The following BTN2A1 variants were observed in gnomAD, a reference collection of about 807,000 sequenced individuals.
The protein encoded by BTN2A1 is butyrophilin subfamily 2 member A1.
Under a neutral mutation model 34.5 loss-of-function variants are expected in BTN2A1, and 41 were observed. That is an observed-to-expected ratio of 1.19 (90% confidence interval 0.93 to 1.54). The LOEUF (loss-of-function observed/expected upper bound fraction) is 1.54, where lower values mean the gene tolerates loss of function less well. BTN2A1 is among the 40% of genes most tolerant of loss of function. BTN2A1 has a pLI of 0.00. For synonymous variants in BTN2A1, 267 were observed against 258.6 expected, an observed-to-expected ratio of 1.03 and a Z score of -0.31; for missense variants, 642 against 662.0, an observed-to-expected ratio of 0.97 and a Z score of 0.33.
chr6:26,462,646 T>G (rs868083101), intron 3 of BTN2A1, among the ~76,000 whole-genome samples: 2 of 152,122 alleles, frequency 1.3e-5, no homozygotes, highest in Non-Finnish European at 2.9e-5. Flanking sequence ...ATCTGTCAAG[T>G]CTCCTAAAAA....
chr6:26,467,702 C>T, intron 7 of BTN2A1: 1 of 1,583,824 alleles, frequency 6.3e-7, no homozygotes, highest in Non-Finnish European at 8.6e-7. Flanking sequence ...ATTTGCTAAA[C>T]TTTCCGGATT....
At chr6:26,473,080 A>G (rs1763478604), downstream of BTN2A1, among the ~76,000 whole-genome samples, 1 of 152,222 alleles carries the variant, frequency 6.6e-6, no homozygotes, top group Non-Finnish European at 1.5e-5. Context: ...ACAAGTTCTC[A>G]ACAAGTTCTC....
Position 26,468,193 on chromosome 6 carries a change from A to C in BTN2A1, c.1228A>C (p.Lys410Gln), listed in dbSNP as rs573356081. 2 of 1,614,142 alleles carry C rather than the reference A, an allele frequency of 1.2e-6. No homozygotes were observed. The highest frequency in any genetic ancestry group is 2.7e-5 in the African/African-American group (2 of 75,030). ...VGVCRDSVER[K>Q]GEVLLIPQNG... Reference sequence around the variant, plus strand: ...GGTCTGTAGAGACAGTGTTGAGAGGAAAGGGGAGGTCCTGCTGATTCCTCA... The same window carrying C: ...GGTCTGTAGAGACAGTGTTGAGAGGCAAGGGGAGGTCCTGCTGATTCCTCA... The change falls in exon 8 of 8, where the codon AAA becomes CAA. Residue 410 changes from lysine (K) to glutamine (Q), a missense_variant. By Grantham distance (53) the Lys-to-Gln change is moderately conservative. Coordinates refer to ENST00000312541, the MANE Select transcript of BTN2A1 (RefSeq NM_007049.5).
At chr6:26,463,194 G>T in intron 3 of BTN2A1, 50 bp from the exon 4 acceptor site, 1 of 1,520,938 alleles carries the variant, frequency 6.6e-7, no homozygotes, top group Non-Finnish European at 8.8e-7. Context: ...AGGCACAGAA[G>T]AGATGCAAAA....
intron 7 of BTN2A1, chr6:26,476,087 G>T (rs565250041): frequency 2.0e-5 from 30 of 1,512,846 alleles, no homozygotes; most frequent in Non-Finnish European, 2.5e-5. Context: ...ACCCATGAAC[G>T]CCTCCCTTCT....
chr6:26,467,894 A>T, intron 7 of BTN2A1, 54 bp from the exon 8 acceptor site: 7 of 1,581,266 alleles, frequency 4.4e-6, no homozygotes, highest in Non-Finnish European at 5.2e-6. Context: ...CAGGAACCAC[A>T]CAATCCCCAG....
chr6:26,471,388 CAT>C (rs1763446194), downstream of BTN2A1, among the ~76,000 whole-genome samples: 1 of 152,182 alleles, frequency 6.6e-6, no homozygotes, highest in African/African-American at 2.4e-5. Flanking sequence ...AATGTGTCCT[CAT>C]ATGGCAAAGG....
At chr6:26,465,460 G>C in intron 5 of BTN2A1, 54 bp downstream of exon 5, 1 of 1,540,174 alleles carries the variant, frequency 6.5e-7, no homozygotes, top group Non-Finnish European at 8.9e-7. Context: ...ACTGTGGGAG[G>C]CTGAGGCAGG....
At chr6:26,460,414 T>C (rs1763135929) in intron 3 of BTN2A1, among the ~76,000 whole-genome samples, 1 of 152,238 alleles carries the variant, frequency 6.6e-6, no homozygotes, top group Non-Finnish European at 1.5e-5. Context: ...AAATAGATGG[T>C]TTTATTAAAC....
In BTN2A1 at chr6:26,459,491, T is replaced by C; in HGVS notation, c.93T>C (p.Ile31=). 6.2e-7 allele frequency: 1 copy of C among 1,613,768 alleles called. No individual in the cohort carries two copies. Among genetic ancestry groups the C allele is most frequent in the South Asian group, 1.1e-5 (1 of 91,056 alleles). Residue 31 remains isoleucine, a synonymous_variant, in exon 3 of 8, where the codon ATT becomes ATC. Coordinates refer to ENST00000312541, the MANE Select transcript of BTN2A1 (RefSeq NM_007049.5). ...SLCALVSAQF[I]VVGPTDPILA... ...CCCTTTGTTGAACAGCCCAGTTTAT[T>C]GTCGTGGGGCCCACTGATCCCATCT...
chr6:26,460,079 A>C (rs1180215238), intron 3 of BTN2A1, among the ~76,000 whole-genome samples: 3 of 152,110 alleles, frequency 2.0e-5, no homozygotes, highest in South Asian at 4.1e-4. Flanking sequence ...GGCCGTGAGC[A>C]GGGGAAAATG....
chr6:26,474,327 T>A (rs1400740674), downstream of BTN2A1, among the ~76,000 whole-genome samples: 1 of 152,230 alleles, frequency 6.6e-6, no homozygotes, highest in Non-Finnish European at 1.5e-5. Context: ...TTAAGCTGTT[T>A]CTGTGTGTCA....
At chr6:26,464,785 G>T (rs1763263117) in intron 4 of BTN2A1, among the ~76,000 whole-genome samples, 1 of 152,220 alleles carries the variant, frequency 6.6e-6, no homozygotes, top group Non-Finnish European at 1.5e-5. Context: ...GCGTTGGAAG[G>T]TTTTGAGCTA....
In BTN2A1 at chr6:26,468,725, T is replaced by C. The variant is rs571218053; in HGVS notation, c.*176T>C. On this transcript the variant is annotated 3_prime_UTR_variant, in exon 8 of 8. Coordinates refer to ENST00000312541, the MANE Select transcript of BTN2A1 (RefSeq NM_007049.5). ...TCAGCCCCAGTTTTCTCCTCCTCAC[T>C]AGGCTGTGTTTTTAGTAGTTCCTTT... is the stretch of plus-strand genomic sequence containing the variant. 1 of 1,612,320 alleles carries C rather than the reference T, an allele frequency of 6.2e-7. No individual in the cohort carries two copies. Among genetic ancestry groups the C allele is most frequent in the East Asian group, 2.2e-5 (1 of 44,820 alleles).
In BTN2A1 at chr6:26,459,592, G is replaced by C; in HGVS notation, c.194G>C (p.Arg65Pro). 1 of 1,614,034 alleles carries C rather than the reference G, an allele frequency of 6.2e-7. No individual in the cohort carries two copies. The highest frequency in any genetic ancestry group is 8.5e-7 in the Non-Finnish European group (1 of 1,179,994). The change falls in exon 3 of 8, where the codon CGG (arginine) becomes CCG (proline). Residue 65 changes from arginine to proline, a missense_variant. Coordinates refer to ENST00000312541, the MANE Select transcript of BTN2A1 (RefSeq NM_007049.5). Reference protein sequence around the residue: ...PEKNAEDMEVRWFRSQFSPAV... With the variant: ...PEKNAEDMEVPWFRSQFSPAV... ...AAAAATGCTGAGGACATGGAGGTGC[G>C]GTGGTTCCGGTCTCAGTTCTCCCCC...
At chr6:26,471,588 C>T (rs184827741), downstream of BTN2A1, among the ~76,000 whole-genome samples, 33 of 152,032 alleles carry the variant, frequency 2.2e-4, no homozygotes, top group East Asian at 6.2e-3. Flanking sequence ...GTGGAGGTTG[C>T]AGTGCACCAC....
rs763747197 is a variant in BTN2A1 at position 26,463,385 on chromosome 6, AG to A, written c.574del (p.Val192SerfsTer16). On this transcript the variant is annotated frameshift_variant, in exon 4 of 8. Coordinates refer to ENST00000312541, the MANE Select transcript of BTN2A1 (RefSeq NM_007049.5). LOFTEE classifies it high-confidence loss of function. ...GGTGGGGTTGCGCCTGCCCTGAAAG[AG>A]GTCTCCATGCCTGATGCAGACGGCC... ...PYGGVAPALK[E>X]VSMPDADGLF... The A allele has an allele frequency of 6.3e-5, 102 of 1,614,142 alleles. No individual in the cohort carries two copies. The East Asian group carries it at 2.3e-3, about 36-fold the overall frequency.
At chr6:26,462,994 GA>G in intron 3 of BTN2A1, 2 of 1,052,448 alleles carry the variant, frequency 1.9e-6, no homozygotes, top group Non-Finnish European at 2.6e-6. Context: ...GGACCGCAAA[GA>G]AAAGGGTGCA....
chr6:26,471,692 G>T (rs150074700), downstream of BTN2A1, among the ~76,000 whole-genome samples: 1,289 of 150,548 alleles, frequency 8.6e-3, 15 homozygotes, highest in African/African-American at 0.028. Flanking sequence ...GGAAGGAAAA[G>T]TAACTGGAAA....
Sources: allele counts gnomAD v4.1 joint callset (sites outside exome capture counted in the v4.1 genomes callset), GRCh38; gene constraint gnomAD v4.1.1; transcripts MANE v1.5; gene names NCBI Gene and HGNC (gene_info 2026-07-23, HGNC 2026-07-21).